Variants in ARHGEF9 observed in about 807,000 individuals in gnomAD.
The protein encoded by ARHGEF9 is Cdc42 guanine nucleotide exchange factor 9, also known as rho guanine nucleotide exchange factor 9.
In ARHGEF9, 2 loss-of-function variants were observed where a neutral mutation model predicts 41.3. The ratio of observed to expected loss-of-function variants is 0.05; its 90% CI spans 0.02 to 0.15. The LOEUF (loss-of-function observed/expected upper bound fraction) is 0.15. Among genes scored for constraint, ARHGEF9 ranks in the 10% least tolerant of loss-of-function variants. The pLI is 1.00. For missense variants in ARHGEF9, 225 were observed against 424.7 expected (o/e 0.53, Z 4.13); for synonymous variants, 160 against 154.4 (o/e 1.04, Z -0.27).
At chrX:63,763,219 A>AAG (rs2056062344) in intron 1 of ARHGEF9, among the ~76,000 whole-genome samples, 1 of 110,732 alleles carries the variant, frequency 9.0e-6, no homozygotes, top group South Asian at 3.8e-4. Flanking sequence ...TTAGGTAAAG[A>AAG]AGAGGGGAAA....
At chrX:63,698,173 CT>C (rs1315968210) in intron 3 of ARHGEF9, among the ~76,000 whole-genome samples, 1 of 105,145 alleles carries the variant, frequency 9.5e-6, no homozygotes, top group African/African-American at 3.4e-5. Flanking sequence ...TAAATGTGTC[CT>C]AACACGTTAA....
intron 8 of ARHGEF9, among the ~76,000 whole-genome samples, chrX:63,648,990 A>T (rs1278483330): frequency 2.7e-5 from 3 of 111,383 alleles, no homozygotes; most frequent in Non-Finnish European, 5.7e-5. Flanking sequence ...AGACTCCCAC[A>T]CAATAATAAT....
At chrX:63,681,758 A>C (rs1401546999) in intron 4 of ARHGEF9, among the ~76,000 whole-genome samples, 2 of 111,697 alleles carry the variant, frequency 1.8e-5, no homozygotes, top group African/African-American at 6.5e-5. Context: ...GAGAACAGAA[A>C]AACTTAGGGA....
At chrX:63,721,715 A>T (rs1392764195) in intron 2 of ARHGEF9, among the ~76,000 whole-genome samples, 1 of 111,015 alleles carries the variant, frequency 9.0e-6, no homozygotes, top group Non-Finnish European at 1.9e-5. Context: ...CCTAGCAGGG[A>T]AACCAGCCCA....
chrX:63,697,543 T>G (rs1157473941), intron 3 of ARHGEF9, among the ~76,000 whole-genome samples: 1 of 111,936 alleles, frequency 8.9e-6, no homozygotes, highest in Non-Finnish European at 1.9e-5. Context: ...GTCTTTTCCC[T>G]CCATCCTCTA....
intron 1 of ARHGEF9, among the ~76,000 whole-genome samples, chrX:63,747,175 T>A (rs2055326587): frequency 1.8e-5 from 2 of 112,240 alleles, no homozygotes; most frequent in South Asian, 7.4e-4. Context: ...TTTGAAGTCA[T>A]CAAATCCACC....
At chrX:63,701,379 TG>T (rs2052163285) in intron 3 of ARHGEF9, 1 of 110,175 alleles carries the variant, frequency 9.1e-6, no homozygotes, top group Admixed American at 9.7e-5. Context: ...GCCTGGAACC[TG>T]AGGCCTGATA....
chrX:63,644,013 C>A lies in ARHGEF9; in HGVS notation c.1357G>T (p.Ala453Ser), dbSNP rs1463057337. Residue 453 changes from alanine to serine, a missense_variant, in exon 9 of 10, where the codon GCA becomes TCA. Physicochemically the swap from Ala to Ser is moderately conservative, Grantham distance 99. Around this residue, in one of 3 missense-constraint regions of ARHGEF9, gnomAD observed 75 missense variants for 113.2 expected, o/e 0.66. Transcript: ENST00000671741. ...EISENQKRQA[A>S]MTVRKVPKQK... ...TTAGGGACTTTTCTCACAGTCATTG[C>A]AGCCTGCCTCTTCTGGTTTTCAGAA... 8.3e-7 allele frequency: 1 copy of A among 1,208,226 alleles called. No individual in the cohort carries two copies. The highest frequency in any genetic ancestry group is 3.0e-5 in the East Asian group (1 of 33,734).
At chrX:63,704,888 T>C (rs1176294135) in intron 3 of ARHGEF9, among the ~76,000 whole-genome samples, 2 of 112,120 alleles carry the variant, frequency 1.8e-5, no homozygotes, top group Non-Finnish European at 3.8e-5. Context: ...TGGGAAAAGA[T>C]AACTTTTAAT....
intron 1 of ARHGEF9, among the ~76,000 whole-genome samples, chrX:63,757,613 A>C (rs2055958379): frequency 1.8e-5 from 2 of 110,570 alleles, no homozygotes; most frequent in Admixed American, 1.9e-4. Flanking sequence ...CTTCCTCCTT[A>C]ATCTCTCTCA....
At chrX:63,686,410 C>T (rs1293200649) in intron 4 of ARHGEF9, among the ~76,000 whole-genome samples, 1 of 110,577 alleles carries the variant, frequency 9.0e-6, no homozygotes, top group East Asian at 2.9e-4. Context: ...TTAAAGGGTA[C>T]AAACATAAGA....
At chrX:63,781,647 C>G (rs1284503789) in intron 1 of ARHGEF9, among the ~76,000 whole-genome samples, 2 of 111,956 alleles carry the variant, frequency 1.8e-5, no homozygotes, top group Admixed American at 9.5e-5. Context: ...ACCATCACGT[C>G]TAACCTGGGC....
chrX:63,692,153 C>T (rs1215260868), intron 4 of ARHGEF9, among the ~76,000 whole-genome samples: 1 of 111,955 alleles, frequency 8.9e-6, no homozygotes, highest in Admixed American at 9.5e-5. Context: ...TGCACAAAGA[C>T]TCTATTGAGT....
chrX:63,638,341 A>G, intron 9 of ARHGEF9, 132 bp from the exon 10 acceptor site: 1 of 597,521 alleles, frequency 1.7e-6, no homozygotes, highest in Non-Finnish European at 2.7e-6. Context: ...GGTTTTACAA[A>G]TCATCCAAGG....
rs1369641299 is a variant in ARHGEF9 at position 63,635,673 on chromosome X, A to G, written c.*2355T>C. On this transcript the variant is annotated 3_prime_UTR_variant, in exon 10 of 10. Coordinates refer to ENST00000671741, the MANE Select transcript of ARHGEF9 (RefSeq NM_001353921.2). ...TGCGGGTTGAGAAGTAATATCCCTG[A>G]TCCTGGAGCCCTGGGCAGAAGCCCC... 6 of 288,843 alleles carry G rather than the reference A, an allele frequency of 2.1e-5. No homozygotes were observed. The highest frequency in any genetic ancestry group is 3.0e-5 in the Non-Finnish European group (5 of 169,453). 23.8% of individuals were successfully genotyped at this position (288,843 alleles called of 1,213,427 possible).
At chrX:63,771,326 T>C (rs2056200858) in intron 1 of ARHGEF9, among the ~76,000 whole-genome samples, 1 of 112,300 alleles carries the variant, frequency 8.9e-6, no homozygotes, top group African/African-American at 3.2e-5. Context: ...ATTCATATTA[T>C]TTCATGCTCA....
intron 2 of ARHGEF9, among the ~76,000 whole-genome samples, chrX:63,710,335 G>T (rs2052850179): frequency 9.8e-6 from 1 of 102,087 alleles, no homozygotes; most frequent in African/African-American, 3.6e-5. Flanking sequence ...AGGACTAGAT[G>T]GCTTCACTGG....
At chrX:63,648,186 AG>A (rs2048259671) in intron 8 of ARHGEF9, among the ~76,000 whole-genome samples, 1 of 111,660 alleles carries the variant, frequency 9.0e-6, no homozygotes, top group South Asian at 3.8e-4. Flanking sequence ...AAAAATGTTA[AG>A]GGCAACCAGA....
At chrX:63,649,847 G>T (rs2048416200) in intron 8 of ARHGEF9, among the ~76,000 whole-genome samples, 2 of 111,488 alleles carry the variant, frequency 1.8e-5, no homozygotes, top group South Asian at 7.5e-4. Context: ...TAGAAGAAAT[G>T]GACAAATTCC....
Sources: allele counts gnomAD v4.1 joint callset (sites outside exome capture counted in the v4.1 genomes callset), GRCh38; gene constraint gnomAD v4.1.1; regional missense constraint gnomAD v4.1.1; transcripts MANE v1.5; gene names NCBI Gene and HGNC (gene_info 2026-07-23, HGNC 2026-07-21).